The following DOCK5 variants were observed in gnomAD, a reference collection of about 807,000 sequenced individuals.
DOCK5 encodes dedicator of cytokinesis protein 5.
DOCK5 carries 142 observed loss-of-function variants against 251.8 expected under a neutral mutation model. That is an observed-to-expected ratio of 0.56 (90% CI 0.49 to 0.65). DOCK5 has a LOEUF of 0.65. Among genes scored for constraint, DOCK5 ranks in the 30% least tolerant of loss-of-function variants. DOCK5 has a pLI of 0.00. For missense variants in DOCK5, 2,111 were observed against 2,312.3 expected (o/e 0.91, Z 1.79); for synonymous variants, 842 against 835.5 (o/e 1.01, Z -0.13).
At chr8:25,397,884 A>G (rs757910903) in intron 45 of DOCK5, among the ~76,000 whole-genome samples, 24 of 152,234 alleles carry the variant, frequency 1.6e-4, no homozygotes, top group Non-Finnish European at 3.2e-4. Context: ...TTAAGATACT[A>G]ATGTATTCAT....
chr8:25,184,894 G>C lies in DOCK5; in HGVS notation c.-15G>C. The C allele has an allele frequency of 7.1e-7, 1 of 1,399,726 alleles. No individual in the cohort carries two copies. The highest frequency in any genetic ancestry group is 9.4e-7 in the Non-Finnish European group (1 of 1,068,978). The allele number at this position is 1,399,726 out of a possible 1,614,324, so 86.7% of individuals were successfully genotyped here. A position where few individuals can be genotyped will look rare whatever the true frequency, so the allele number is the denominator to read the frequency against. ...GCAGCCTTAGTCGCCGCCGCCGCGG[G>C]GCGAGGTCGCCGCCATGGCCCGCTG... On this transcript the variant is annotated 5_prime_UTR_variant, in exon 1 of 52. Coordinates refer to ENST00000276440, the MANE Select transcript of DOCK5 (RefSeq NM_024940.8).
chr8:25,317,939 T>C (rs551168236), intron 14 of DOCK5, among the ~76,000 whole-genome samples: 1 of 152,120 alleles, frequency 6.6e-6, no homozygotes, highest in Non-Finnish European at 1.5e-5. Context: ...AACAGGAAAC[T>C]GTAAGAAACT....
intron 2 of DOCK5, among the ~76,000 whole-genome samples, chr8:25,253,549 G>A: frequency 6.6e-6 from 1 of 152,092 alleles, no homozygotes; most frequent in Non-Finnish European, 1.5e-5. Context: ...TAACATCACG[G>A]TTGGGCTGGC....
chr8:25,302,706 G>A (rs912876177), intron 10 of DOCK5, among the ~76,000 whole-genome samples: 3 of 152,308 alleles, frequency 2.0e-5, no homozygotes, highest in Admixed American at 1.3e-4. Flanking sequence ...TGGTGTGTAC[G>A]CACAATGGAA....
intron 4 of DOCK5, among the ~76,000 whole-genome samples, chr8:25,278,297 C>T (rs1468948573): frequency 2.0e-5 from 3 of 150,432 alleles, no homozygotes; most frequent in South Asian, 2.1e-4. Context: ...GCTCAGTAAT[C>T]GAGTCTCCTG....
intron 1 of DOCK5, among the ~76,000 whole-genome samples, chr8:25,237,060 C>T (rs1400744854): frequency 3.9e-5 from 6 of 152,088 alleles, no homozygotes; most frequent in Non-Finnish European, 7.4e-5. Flanking sequence ...GTAATAATCT[C>T]ATTCATTAGA....
intron 27 of DOCK5, among the ~76,000 whole-genome samples, chr8:25,357,524 C>T (rs1490859407): frequency 6.6e-6 from 1 of 151,478 alleles, no homozygotes; most frequent in African/African-American, 2.4e-5. Context: ...ATTATAGGTG[C>T]CCACCACCAT....
chr8:25,254,856 A>G (rs556132101), intron 2 of DOCK5, among the ~76,000 whole-genome samples: 1 of 151,920 alleles, frequency 6.6e-6, no homozygotes, highest in South Asian at 2.1e-4. Context: ...TTAAAATCCA[A>G]CAATAAGAAA....
intron 11 of DOCK5, among the ~76,000 whole-genome samples, chr8:25,306,480 G>C (rs764248148): frequency 2.6e-5 from 4 of 152,078 alleles, no homozygotes; most frequent in Non-Finnish European, 5.9e-5. Context: ...GCCAAGGCGG[G>C]CAGATCACAA....
intron 14 of DOCK5, among the ~76,000 whole-genome samples, chr8:25,317,718 C>T (rs940862741): frequency 6.6e-6 from 1 of 152,342 alleles, no homozygotes; most frequent in African/African-American, 2.4e-5. Flanking sequence ...GCACCCCATT[C>T]TCCAGCCTTA....
intron 17 of DOCK5, 74 bp downstream of exon 17, chr8:25,324,025 T>C: frequency 7.0e-7 from 1 of 1,431,630 alleles, no homozygotes; most frequent in East Asian, 2.5e-5. Flanking sequence ...TCATATTTAT[T>C]TGTACAAACA....
At chr8:25,246,758 C>CG (rs951022551) in intron 2 of DOCK5, among the ~76,000 whole-genome samples, 4 of 64,390 alleles carry the variant, frequency 6.2e-5, no homozygotes, top group Non-Finnish European at 6.0e-5. Context: ...GTGTGTGTGG[C>CG]GGGGGCGGGG....
intron 18 of DOCK5, among the ~76,000 whole-genome samples, chr8:25,328,392 A>C (rs1021090741): frequency 6.6e-6 from 1 of 152,190 alleles, no homozygotes; most frequent in Non-Finnish European, 1.5e-5. Context: ...TGGCAAAGGC[A>C]TCACGAGCAT....
chr8:25,295,755 C>G (rs1289276657), intron 6 of DOCK5, among the ~76,000 whole-genome samples: 1 of 152,150 alleles, frequency 6.6e-6, no homozygotes, highest in African/African-American at 2.4e-5. Context: ...TCCACCCTAC[C>G]TCATGGCATT....
intron 18 of DOCK5, among the ~76,000 whole-genome samples, chr8:25,329,273 T>C (rs901166969): frequency 1.1e-4 from 17 of 152,194 alleles, no homozygotes; most frequent in Non-Finnish European, 2.5e-4. Context: ...TGTTAATAAA[T>C]TAAATTATGA....
At chr8:25,351,247 ACG>A (rs1434565347) in intron 26 of DOCK5, 1 of 152,858 alleles carries the variant, frequency 6.5e-6, no homozygotes, top group Non-Finnish European at 1.5e-5. Flanking sequence ...TTTAGTAGAG[ACG>A]GGGTTTCACT....
At chr8:25,234,762 G>A (rs1802752310) in intron 1 of DOCK5, among the ~76,000 whole-genome samples, 1 of 152,198 alleles carries the variant, frequency 6.6e-6, no homozygotes, top group Admixed American at 6.5e-5. Context: ...CCCGCACCTG[G>A]TGCTGTTTCT....
chr8:25,274,271 C>T (rs58579225), intron 3 of DOCK5, among the ~76,000 whole-genome samples: 4,276 of 149,624 alleles, frequency 0.029, 185 homozygotes, highest in African/African-American at 0.094. Context: ...TATGATCAGC[C>T]ACCCCTGACA....
At chr8:25,327,024 C>G (rs1805581113) in intron 18 of DOCK5, among the ~76,000 whole-genome samples, 1 of 152,196 alleles carries the variant, frequency 6.6e-6, no homozygotes, top group Non-Finnish European at 1.5e-5. Flanking sequence ...CAAATCCCAG[C>G]TCTGCCATTT....
Sources: allele counts gnomAD v4.1 joint callset (sites outside exome capture counted in the v4.1 genomes callset), GRCh38; gene constraint gnomAD v4.1.1; transcripts MANE v1.5; gene names NCBI Gene and HGNC (gene_info 2026-07-23, HGNC 2026-07-21).